Variants in MYCBP2 observed in about 807,000 individuals in gnomAD.
The protein encoded by MYCBP2 is MYC binding protein 2, also known as E3 ubiquitin-protein ligase MYCBP2.
MYCBP2 carries 120 observed loss-of-function variants against 525.3 expected under a neutral mutation model. That is an observed-to-expected ratio of 0.23 (90% CI 0.20 to 0.27). The LOEUF (loss-of-function observed/expected upper bound fraction) is 0.27. MYCBP2 is among the 10% of genes least tolerant of loss of function. MYCBP2 has a pLI of 1.00. For missense variants in MYCBP2, 4,149 were observed against 5,657.1 expected (o/e 0.73, Z 8.55); for synonymous variants, 1,894 against 1,955.8 (o/e 0.97, Z 0.83).
chr13:77,109,689 G>A (rs1022044219), intron 55 of MYCBP2: 1 of 151,732 alleles, frequency 6.6e-6, no homozygotes, highest in Non-Finnish European at 1.5e-5. Context: ...AAAACCACTG[G>A]AATGAGTTAG....
intron 20 of MYCBP2, among the ~76,000 whole-genome samples, chr13:77,222,743 A>C (rs2065769300): frequency 6.6e-6 from 1 of 152,188 alleles, no homozygotes; most frequent in Non-Finnish European, 1.5e-5. Context: ...TCTAATATAC[A>C]GCCAGGGTTA....
chr13:77,306,104 GATAATT>G (rs2079384735), intron 1 of MYCBP2, among the ~76,000 whole-genome samples: 1 of 152,070 alleles, frequency 6.6e-6, no homozygotes, highest in Non-Finnish European at 1.5e-5. Context: ...TTTATTTGTA[GATAATT>G]ATATTTATAG....
Position 77,177,766 on chromosome 13 carries a change from T to C in MYCBP2, c.5322A>G (p.Leu1774=). The change falls in exon 35 of 83, where the codon TTA becomes TTG. Residue 1774 remains leucine, a synonymous_variant. Transcript: ENST00000544440. ...TACTTACATCATCAACCAACACCTC[T>C]AATTCATATTCATGAATTCCACCTC... ...YGGGGIHEYE[L]EVLVDDSEHA... 1 of 1,612,772 alleles carries C rather than the reference T, an allele frequency of 6.2e-7. No individual in the cohort carries two copies.
chr13:77,212,231 G>C, intron 21 of MYCBP2, 71 bp from the exon 22 acceptor site: 1 of 1,347,848 alleles, frequency 7.4e-7, no homozygotes, highest in South Asian at 1.5e-5. Flanking sequence ...AGTTAAGGAG[G>C]CAGTAGATAA....
intron 32 of MYCBP2, 48 bp from the exon 33 acceptor site, chr13:77,181,970 G>T: frequency 7.0e-7 from 1 of 1,430,124 alleles, no homozygotes; most frequent in Non-Finnish European, 9.7e-7. Flanking sequence ...TATAGCATCA[G>T]TATAATCTAA....
chr13:77,047,858 T>G lies in MYCBP2; in HGVS notation c.13922-2365A>C, dbSNP rs535809435. The stretch of plus-strand genomic sequence containing the variant: ...CTGCGGGCCAAGACAGCCCACAGAC[T>G]AAGCACATTCCTTCCCCTTTCCAGT... On this transcript the variant is annotated intron_variant, in intron 82 of 82. Transcript: ENST00000544440. 6.3e-3 allele frequency among the ~76,000 whole-genome samples: 964 copies of G among 152,248 alleles called. 6 individuals carry two copies. The highest frequency in any genetic ancestry group is 0.014 in the Middle Eastern group (4 of 294).
At position 77,180,196 on chromosome 13, in the gene MYCBP2, G is replaced by A. The variant is rs773068632; in HGVS notation, c.5064C>T (p.Leu1688=). ...RRENELFSSH[L]VSNTCGLLAS... ...CCAGTAATCCACAGGTGTTAGAGAC[G>A]AGGTGGGAGGAGAAGAGTTCATTTT... Residue 1688 remains leucine, a synonymous_variant, in exon 34 of 83, where the codon CTC becomes CTT. Transcript: ENST00000544440. 15 of 1,614,002 alleles carry A rather than the reference G, an allele frequency of 9.3e-6. No individual in the cohort carries two copies. The highest frequency in any genetic ancestry group is 4.0e-5 in the African/African-American group (3 of 74,906).
intron 45 of MYCBP2, among the ~76,000 whole-genome samples, 195 bp from the exon 46 acceptor site, chr13:77,156,397 G>T (rs1006091133): frequency 6.6e-6 from 1 of 152,170 alleles, no homozygotes; most frequent in African/African-American, 2.4e-5. Context: ...TAAAAAACAT[G>T]CCTAAGCACA....
At position 77,067,596 on chromosome 13, in the gene MYCBP2, A is replaced by G; in HGVS notation, c.12440T>C (p.Met4147Thr). The change falls in exon 71 of 83, where the codon ATG (methionine) becomes ACG (threonine). Residue 4147 changes from methionine to threonine, a missense_variant. Coordinates refer to ENST00000544440, the MANE Select transcript of MYCBP2 (RefSeq NM_015057.5). ...AATAACTAACCTGGAATTGAAAATC[A>G]TCGGAAGAGTAACTGTTGTAACTCC... The part of the protein sequence containing the change: ...GKGVTTVTLP[M>T]IFNSSYLRRG... 6.2e-7 allele frequency: 1 copy of G among 1,614,066 alleles called. No individual in the cohort carries two copies. Among genetic ancestry groups the G allele is most frequent in the Non-Finnish European group, 8.5e-7 (1 of 1,179,894 alleles).
intron 47 of MYCBP2, among the ~76,000 whole-genome samples, chr13:77,148,626 C>T (rs2055994581): frequency 6.6e-6 from 1 of 152,030 alleles, no homozygotes; most frequent in Non-Finnish European, 1.5e-5. Flanking sequence ...AATTTTAATG[C>T]TAGATCCATC....
chr13:77,220,252 G>GA (rs1328346916), intron 20 of MYCBP2, among the ~76,000 whole-genome samples: 1 of 151,942 alleles, frequency 6.6e-6, no homozygotes, highest in African/African-American at 2.4e-5. Flanking sequence ...AAAAAAGGGT[G>GA]AAAAAAGAGT....
intron 3 of MYCBP2, among the ~76,000 whole-genome samples, chr13:77,286,450 T>C (rs369333299): frequency 6.6e-5 from 10 of 151,918 alleles, no homozygotes; most frequent in Non-Finnish European, 1.3e-4. Context: ...ATATCTACTA[T>C]ATAGAAAAAA....
chr13:77,068,681 T>C lies in MYCBP2; in HGVS notation c.12055A>G (p.Met4019Val). ...TTAGAGCCACTCAGTGCTAAAACCA[T>C]AGAGAGCAGCTCAAAGCAGTAGGCA... ...SDAYCFELLS[M>V]VLALSGSNVG... The change falls in exon 70 of 83, where the codon ATG (methionine) becomes GTG (valine). Residue 4019 changes from methionine (M) to valine (V), a missense_variant. Coordinates refer to ENST00000544440, the MANE Select transcript of MYCBP2 (RefSeq NM_015057.5). 6.2e-7 allele frequency: 1 copy of C among 1,614,164 alleles called. No homozygotes were observed. Among genetic ancestry groups the C allele is most frequent in the Middle Eastern group, 1.6e-4 (1 of 6,062 alleles).
intron 55 of MYCBP2, among the ~76,000 whole-genome samples, chr13:77,117,106 G>A (rs754350231): frequency 4.0e-5 from 6 of 151,838 alleles, no homozygotes; most frequent in Non-Finnish European, 7.4e-5. Flanking sequence ...ACTTCTAAAT[G>A]TAAAAAGTCT....
intron 46 of MYCBP2, among the ~76,000 whole-genome samples, chr13:77,155,368 A>G (rs960038901): frequency 9.2e-5 from 14 of 152,312 alleles, no homozygotes; most frequent in African/African-American, 3.4e-4. Context: ...CAAACAACCA[A>G]TCACTCTATA....
chr13:77,257,349 A>G lies in MYCBP2; in HGVS notation c.2176+322T>C, dbSNP rs572665959. Among the ~76,000 whole-genome samples the G allele has an allele frequency of 2.1e-4, 32 of 152,194 alleles. 1 individual carries two copies. The South Asian group carries it at 4.1e-3, about 20-fold the overall frequency. On this transcript the variant is annotated intron_variant, in intron 14 of 82. Coordinates refer to ENST00000544440, the MANE Select transcript of MYCBP2 (RefSeq NM_015057.5). ...CACAACAGGGTGGCTACAGTTGGCG[A>G]TAATTTTTTGTATACTTTAACAACT...
At chr13:77,170,712 G>A (rs375759363) in intron 38 of MYCBP2, among the ~76,000 whole-genome samples, 94 of 152,040 alleles carry the variant, frequency 6.2e-4, no homozygotes, top group South Asian at 4.4e-3. Flanking sequence ...GAGTAGCTAG[G>A]ATTACAGGCA....
At chr13:77,275,978 C>T (rs760999055) in intron 4 of MYCBP2, among the ~76,000 whole-genome samples, 2 of 152,042 alleles carry the variant, frequency 1.3e-5, no homozygotes, top group Non-Finnish European at 2.9e-5. Flanking sequence ...AGCGAGACTC[C>T]GTCTCAAAAA....
At chr13:77,217,209 A>C (rs1458976650) in intron 21 of MYCBP2, among the ~76,000 whole-genome samples, 1 of 152,260 alleles carries the variant, frequency 6.6e-6, no homozygotes, top group Non-Finnish European at 1.5e-5. Context: ...CTTAGGTTCA[A>C]GAGTTCTTAG....
Sources: allele counts gnomAD v4.1 joint callset (sites outside exome capture counted in the v4.1 genomes callset), GRCh38; gene constraint gnomAD v4.1.1; transcripts MANE v1.5; gene names NCBI Gene and HGNC (gene_info 2026-07-23, HGNC 2026-07-21).